Variants in FGF13 observed in about 807,000 individuals in gnomAD.
FGF13 encodes fibroblast growth factor homologous factor 2.
In FGF13, 2 loss-of-function variants were observed where a neutral mutation model predicts 19.5. That is an observed-to-expected ratio of 0.10 (90% CI 0.04 to 0.32). The LOEUF (loss-of-function observed/expected upper bound fraction) is 0.32. FGF13 is among the 10% of genes least tolerant of loss of function. The pLI is 1.00. For missense variants in FGF13, 113 were observed against 192.7 expected (o/e 0.59, Z 2.45); for synonymous variants, 72 against 76.9 (o/e 0.94, Z 0.33).
chrX:138,844,887 C>T (rs2091171486), intron 3 of FGF13, among the ~76,000 whole-genome samples: 1 of 110,094 alleles, frequency 9.1e-6, no homozygotes, highest in Non-Finnish European at 1.9e-5. Flanking sequence ...CCATATAGTG[C>T]CTGACACACA....
At position 138,620,541 on chromosome X, in the gene FGF13, A is replaced by G. The variant is rs182230434; in HGVS notation, c.*12309T>C. 1.8e-4 allele frequency: 20 copies of G among 111,823 alleles called. No individual in the cohort carries two copies. Among genetic ancestry groups the G allele is most frequent in the African/African-American group, 6.5e-4 (20 of 30,838 alleles). 9.2% of individuals were successfully genotyped at this position (111,823 alleles called of 1,213,427 possible). On this transcript the variant is annotated 3_prime_UTR_variant, in exon 5 of 5. Coordinates refer to ENST00000315930, the MANE Select transcript of FGF13 (RefSeq NM_004114.5). ...GTACTACAGGAAAATCATCAATCAC[A>G]AAGAAAGACAGCAAGAGAGGAAGAA...
At chrX:138,833,086 G>C (rs1284076332) in intron 3 of FGF13, among the ~76,000 whole-genome samples, 2 of 112,135 alleles carry the variant, frequency 1.8e-5, no homozygotes, top group Non-Finnish European at 3.8e-5. Context: ...ATAGCTTGAA[G>C]TCAGGTAGCA....
chrX:138,651,924 T>C (rs1290134912), intron 3 of FGF13, among the ~76,000 whole-genome samples: 1 of 111,539 alleles, frequency 9.0e-6, no homozygotes, highest in Non-Finnish European at 1.9e-5. Context: ...AAACTATACA[T>C]GTAGTATAAC....
At chrX:139,129,854 T>C (rs2083748029) in intron 1 of FGF13, among the ~76,000 whole-genome samples, 3 of 111,755 alleles carry the variant, frequency 2.7e-5, no homozygotes, top group South Asian at 7.5e-4. Flanking sequence ...TTGTTTAAAA[T>C]GAGGGCAAGT....
At position 138,735,265 on chromosome X, in the gene FGF13, G is replaced by A. The variant is rs759688746; in HGVS notation, c.28+3977C>T. Among the ~76,000 whole-genome samples the A allele has an allele frequency of 3.6e-5, 4 of 111,999 alleles. No individual in the cohort carries two copies. The South Asian group carries it at 1.1e-3, about 31-fold the overall frequency. ...GAGATGCATGCACTAACCAACCACA[G>A]AAAGAGTCCTAGTAAACACCTCCAA... On this transcript the variant is annotated intron_variant, in intron 1 of 4. Transcript: ENST00000305414.
chrX:138,687,405 G>A (rs2089794017), intron 3 of FGF13, among the ~76,000 whole-genome samples: 1 of 112,043 alleles, frequency 8.9e-6, no homozygotes, highest in African/African-American at 3.2e-5. Flanking sequence ...TGAAAAATAT[G>A]CTCAACATAA....
chrX:138,992,523 A>G (rs2092021254), intron 1 of FGF13, among the ~76,000 whole-genome samples: 1 of 111,056 alleles, frequency 9.0e-6, no homozygotes, highest in Admixed American at 9.7e-5. Flanking sequence ...TCATTATTTT[A>G]TATAGCATGA....
chrX:139,146,642 T>C (rs1379768871), intron 1 of FGF13, among the ~76,000 whole-genome samples: 1 of 112,172 alleles, frequency 8.9e-6, no homozygotes, highest in Non-Finnish European at 1.9e-5. Context: ...GGACTATAAA[T>C]CATGCTGCTA....
chrX:138,715,568 AAAAAC>A (rs2090093984), upstream of FGF13, among the ~76,000 whole-genome samples: 1 of 112,371 alleles, frequency 8.9e-6, no homozygotes, highest in Non-Finnish European at 1.9e-5. Flanking sequence ...TTCTGGTACT[AAAAAC>A]AAAACGTTTG....
chrX:139,072,228 AGAAAAG>A (rs1400611124), intron 1 of FGF13, among the ~76,000 whole-genome samples: 2 of 108,094 alleles, frequency 1.9e-5, no homozygotes, highest in African/African-American at 6.8e-5. Flanking sequence ...TGTCCTTATA[AGAAAAG>A]GAAGAGAGAA....
At chrX:138,911,622 TA>T (rs916114735) in intron 1 of FGF13, among the ~76,000 whole-genome samples, 8 of 109,614 alleles carry the variant, frequency 7.3e-5, no homozygotes, top group East Asian at 2.9e-4. Flanking sequence ...AAATAAAAGT[TA>T]AAAAAAAACA....
At chrX:138,795,016 T>C (rs748860839) in intron 3 of FGF13, among the ~76,000 whole-genome samples, 2 of 112,290 alleles carry the variant, frequency 1.8e-5, no homozygotes, top group South Asian at 7.4e-4. Context: ...TTCATTCTGT[T>C]GGGAGTTCTC....
intron 1 of FGF13, among the ~76,000 whole-genome samples, chrX:139,177,243 T>TTTA (rs2084194591): frequency 1.0e-5 from 1 of 96,559 alleles, no homozygotes; most frequent in Non-Finnish European, 2.0e-5. Context: ...CCCTGCTTTT[T>TTTA]TTTTTTTTTT....
intron 1 of FGF13, among the ~76,000 whole-genome samples, chrX:138,913,643 AGG>A: frequency 1.7e-4 from 1 of 5,895 alleles, no homozygotes; most frequent in Non-Finnish European, 7.9e-4. Context: ...GGATGGAGGA[AGG>A]AAGGAAGGAA....
At chrX:139,204,082 T>C (rs1377742045), upstream of FGF13, 1 of 1,209,229 alleles carries the variant, frequency 8.3e-7, no homozygotes, top group Non-Finnish European at 1.1e-6. Context: ...TTTCTCCTCT[T>C]TGGGCTTGGT....
intron 1 of FGF13, among the ~76,000 whole-genome samples, chrX:138,895,555 G>C (rs1394408953): frequency 8.9e-6 from 1 of 111,990 alleles, no homozygotes; most frequent in Admixed American, 9.4e-5. Context: ...TACAGTGTTA[G>C]TGGGAATGTA....
chrX:138,815,291 C>CTT (rs2090954008), intron 3 of FGF13, among the ~76,000 whole-genome samples: 1 of 110,613 alleles, frequency 9.0e-6, no homozygotes, highest in Non-Finnish European at 1.9e-5. Context: ...AATAATACTA[C>CTT]ATTGTATACT....
chrX:138,804,276 A>G (rs1373336607), intron 3 of FGF13, among the ~76,000 whole-genome samples: 1 of 111,895 alleles, frequency 8.9e-6, no homozygotes, highest in East Asian at 2.8e-4. Flanking sequence ...CCTTATCAGA[A>G]CCATTCACTT....
At chrX:138,846,536 C>G (rs1479466575) in intron 3 of FGF13, among the ~76,000 whole-genome samples, 1 of 112,165 alleles carries the variant, frequency 8.9e-6, no homozygotes, top group East Asian at 2.8e-4. Flanking sequence ...AGGATGCCAC[C>G]TCTCTCAGTG....
Sources: gnomAD v4.1 joint callset for allele counts (sites outside exome capture counted in the v4.1 genomes callset) on GRCh38, gnomAD v4.1.1 for gene constraint, MANE v1.5 for transcripts, NCBI Gene and HGNC (gene_info 2026-07-23, HGNC 2026-07-21) for gene names.